The following PCDH9 variants were observed in gnomAD, a reference collection of about 807,000 sequenced individuals.
The protein encoded by PCDH9 is protocadherin-9.
Under a neutral mutation model 70.6 loss-of-function variants are expected in PCDH9, and 24 were observed. That is an observed-to-expected ratio of 0.34 (90% CI 0.25 to 0.48). PCDH9 has a LOEUF of 0.48. Ranked by LOEUF, PCDH9 falls within the 20% of genes least tolerant of loss-of-function variation. The pLI is 0.99. For synonymous variants in PCDH9, 562 were observed against 558.5 expected, an observed-to-expected ratio of 1.01 and a Z score of -0.09; for missense variants, 1,281 against 1,503.6, an observed-to-expected ratio of 0.85 and a Z score of 2.45.
chr13:66,358,544 C>A (rs951085813), intron 4 of PCDH9, among the ~76,000 whole-genome samples: 1 of 151,730 alleles, frequency 6.6e-6, no homozygotes, highest in African/African-American at 2.4e-5. Context: ...TTTTCATCTA[C>A]GGAAAACTTT....
chr13:66,527,285 A>G (rs1960260071), intron 4 of PCDH9, among the ~76,000 whole-genome samples: 1 of 152,006 alleles, frequency 6.6e-6, no homozygotes, highest in Admixed American at 6.6e-5. Context: ...AAAAAGAAAA[A>G]TTTCAGACCA....
chr13:67,128,768 T>G (rs1364876218), intron 2 of PCDH9, among the ~76,000 whole-genome samples: 2 of 152,172 alleles, frequency 1.3e-5, no homozygotes, highest in Non-Finnish European at 2.9e-5. Context: ...TAGAAGATGT[T>G]GAGCTTCCAC....
intron 3 of PCDH9, among the ~76,000 whole-genome samples, chr13:66,743,286 T>C (rs1255317617): frequency 1.8e-5 from 2 of 110,342 alleles, no homozygotes; most frequent in Admixed American, 1.0e-4. Flanking sequence ...TAGGTGGGAA[T>C]TGAACAATGA....
chr13:67,105,058 T>C (rs374840704), intron 2 of PCDH9, among the ~76,000 whole-genome samples: 1 of 152,008 alleles, frequency 6.6e-6, no homozygotes, highest in African/African-American at 2.4e-5. Context: ...CAGTCACATA[T>C]CTTGCCACTA....
rs548026742 is a variant in PCDH9 at position 66,923,028 on chromosome 13, C to T, written c.3037-19423G>A. Among the ~76,000 whole-genome samples, 15 of 151,174 alleles carry T rather than the reference C, an allele frequency of 9.9e-5. No homozygotes were observed. The South Asian group carries it at 2.5e-3, about 25-fold the overall frequency. ...TTTGAAAGGGATGAGAATATTTATA[C>T]GTAAGTCAAAAACTGAAAATAAAAC... On this transcript the variant is annotated intron_variant, in intron 2 of 4. Coordinates refer to ENST00000377865, the MANE Select transcript of PCDH9 (RefSeq NM_203487.3).
At chr13:66,940,175 T>G (rs1480858316) in intron 2 of PCDH9, among the ~76,000 whole-genome samples, 1 of 152,166 alleles carries the variant, frequency 6.6e-6, no homozygotes, top group Non-Finnish European at 1.5e-5. Context: ...TTCTTTTCAT[T>G]CCAGTCCCAT....
intron 2 of PCDH9, among the ~76,000 whole-genome samples, chr13:67,026,271 A>G (rs1027316878): frequency 1.3e-5 from 2 of 152,168 alleles, no homozygotes; most frequent in Non-Finnish European, 2.9e-5. Context: ...GGATTTTTGC[A>G]TCAATGTTCA....
At chr13:66,926,906 C>G (rs1198559220) in intron 2 of PCDH9, among the ~76,000 whole-genome samples, 2 of 151,928 alleles carry the variant, frequency 1.3e-5, no homozygotes, top group Non-Finnish European at 2.9e-5. Flanking sequence ...CAACTGCATA[C>G]AAGAGTACAA....
intron 3 of PCDH9, among the ~76,000 whole-genome samples, chr13:66,818,342 A>G (rs1389833135): frequency 6.6e-6 from 1 of 152,110 alleles, no homozygotes; most frequent in Non-Finnish European, 1.5e-5. Flanking sequence ...TATTCTGTTT[A>G]TTTTTTCAAT....
chr13:66,331,414 T>G (rs1955939819), intron 4 of PCDH9, among the ~76,000 whole-genome samples: 1 of 152,106 alleles, frequency 6.6e-6, no homozygotes, highest in South Asian at 2.1e-4. Context: ...AGAGGAGAAG[T>G]AAATGGTTAC....
chr13:66,597,474 T>G lies in PCDH9; in HGVS notation c.3340+33736A>C, dbSNP rs148378431. Among the ~76,000 whole-genome samples the G allele has an allele frequency of 6.6e-5, 10 of 151,788 alleles. No individual in the cohort carries two copies. The East Asian group carries it at 1.8e-3, about 27-fold the overall frequency. The stretch of plus-strand genomic sequence containing the variant: ...TCAAGAGGTTGCCAAGACGACACAA[T>G]GGGGAAAGGATAGTCCCTTCAACAA... On this transcript the variant is annotated intron_variant, in intron 4 of 4. Coordinates refer to ENST00000377865, the MANE Select transcript of PCDH9 (RefSeq NM_203487.3).
intron 4 of PCDH9, among the ~76,000 whole-genome samples, chr13:66,510,349 T>TTATA (rs199808074): frequency 1.3e-5 from 2 of 150,668 alleles, no homozygotes; most frequent in East Asian, 1.9e-4. Context: ...AAAAATACAT[T>TTATA]TATATATATA....
At chr13:66,930,937 C>T (rs946818773) in intron 2 of PCDH9, among the ~76,000 whole-genome samples, 1 of 152,090 alleles carries the variant, frequency 6.6e-6, no homozygotes, top group African/African-American at 2.4e-5. Flanking sequence ...AACTGTCTAC[C>T]AGAAGCCTTT....
At chr13:66,711,759 G>A (rs542008201) in intron 3 of PCDH9, among the ~76,000 whole-genome samples, 16 of 152,116 alleles carry the variant, frequency 1.1e-4, no homozygotes, top group Admixed American at 5.9e-4. Context: ...AGTCTTTTAC[G>A]ATGTTAGCCA....
At chr13:66,454,861 TC>T (rs1444324660) in intron 4 of PCDH9, among the ~76,000 whole-genome samples, 3 of 152,124 alleles carry the variant, frequency 2.0e-5, no homozygotes, top group African/African-American at 7.2e-5. Flanking sequence ...CACCTTGGCC[TC>T]CCAAAGTGCT....
At chr13:66,643,404 T>C (rs2077732842) in intron 3 of PCDH9, among the ~76,000 whole-genome samples, 1 of 152,046 alleles carries the variant, frequency 6.6e-6, no homozygotes, top group Non-Finnish European at 1.5e-5. Context: ...TTCATTTTTT[T>C]TTAATCCACC....
chr13:66,545,860 G>A (rs1198919476), intron 4 of PCDH9, among the ~76,000 whole-genome samples: 1 of 125,126 alleles, frequency 8.0e-6, no homozygotes, highest in African/African-American at 2.9e-5. Flanking sequence ...TTTATTTTGA[G>A]ACGGAGTCTC....
At position 66,772,378 on chromosome 13, in the gene PCDH9, C is replaced by A. The variant is rs901809313; in HGVS notation, c.3138+131126G>T. The stretch of plus-strand genomic sequence containing the variant: ...TCATTATCATGCCACAATTTGTTTA[C>A]ATGCAAGTGTTCAATTTCTAGCTCA... On this transcript the variant is annotated intron_variant, in intron 3 of 4. Transcript: ENST00000377865. 7.2e-5 allele frequency among the ~76,000 whole-genome samples: 11 copies of A among 152,170 alleles called. 1 individual carries two copies. The highest frequency in any genetic ancestry group is 1.5e-5 in the Non-Finnish European group (1 of 68,022).
chr13:66,673,207 C>G (rs559788298), intron 3 of PCDH9, among the ~76,000 whole-genome samples: 2 of 152,044 alleles, frequency 1.3e-5, no homozygotes, highest in Non-Finnish European at 1.5e-5. Flanking sequence ...GTGGGTTTTC[C>G]CATGCTGTTC....
Sources: allele counts gnomAD v4.1 joint callset (sites outside exome capture counted in the v4.1 genomes callset), GRCh38; gene constraint gnomAD v4.1.1; transcripts MANE v1.5; gene names NCBI Gene and HGNC (gene_info 2026-07-23, HGNC 2026-07-21).